The following LRRC8A variants were observed in gnomAD, a reference collection of about 807,000 sequenced individuals.
The protein encoded by LRRC8A is volume-regulated anion channel subunit LRRC8A.
Under a neutral mutation model 52.5 loss-of-function variants are expected in LRRC8A, and 24 were observed. The observed-to-expected ratio is 0.46, with a 90% CI of 0.33 to 0.64. LRRC8A has a LOEUF of 0.64. Among genes scored for constraint, LRRC8A ranks in the 30% least tolerant of loss-of-function variants. The pLI is 0.02. For synonymous variants in LRRC8A, 492 were observed against 494.2 expected, an observed-to-expected ratio of 1.00 and a Z score of 0.06; for missense variants, 677 against 1,094.7, an observed-to-expected ratio of 0.62 and a Z score of 5.38.
At chr9:128,906,316 A>ATTTTTTTTTT (rs71383620) in intron 2 of LRRC8A, among the ~76,000 whole-genome samples, 2 of 79,280 alleles carry the variant, frequency 2.5e-5, no homozygotes, top group Non-Finnish European at 4.6e-5. Flanking sequence ...CCCATGTGGA[A>ATTTTTTTTTT]TTTTTTTTTT....
At chr9:128,884,838 C>T (rs1490695135) in intron 1 of LRRC8A, among the ~76,000 whole-genome samples, 3 of 152,128 alleles carry the variant, frequency 2.0e-5, no homozygotes, top group African/African-American at 7.2e-5. Flanking sequence ...TGCCTAGTCA[C>T]CACCACCCCG....
chr9:128,889,741 A>G (rs528771997), intron 2 of LRRC8A, among the ~76,000 whole-genome samples: 191 of 151,442 alleles, frequency 1.3e-3, no homozygotes, highest in Non-Finnish European at 3.5e-4. Context: ...TGATCCACCC[A>G]CCTTGTTCTC....
At chr9:128,890,270 T>C (rs979850718) in intron 2 of LRRC8A, among the ~76,000 whole-genome samples, 2 of 152,066 alleles carry the variant, frequency 1.3e-5, no homozygotes, top group African/African-American at 4.8e-5. Flanking sequence ...CCCTGCTGTC[T>C]TCCAGATGCG....
chr9:128,895,447 C>T (rs1331698016), intron 2 of LRRC8A, among the ~76,000 whole-genome samples: 1 of 152,244 alleles, frequency 6.6e-6, no homozygotes, highest in Non-Finnish European at 1.5e-5. Context: ...GGATTTGAAC[C>T]TACATGTCCC....
intron 2 of LRRC8A, among the ~76,000 whole-genome samples, chr9:128,889,086 T>C (rs1839506561): frequency 1.3e-5 from 2 of 152,148 alleles, no homozygotes; most frequent in Admixed American, 1.3e-4. Flanking sequence ...CCCAAAGTTA[T>C]ACAGTGTACA....
At chr9:128,903,367 A>G (rs1203670797) in intron 2 of LRRC8A, among the ~76,000 whole-genome samples, 1 of 150,980 alleles carries the variant, frequency 6.6e-6, no homozygotes, top group Non-Finnish European at 1.5e-5. Flanking sequence ...TAGCCTAGAA[A>G]GATTGGGGCT....
intron 2 of LRRC8A, among the ~76,000 whole-genome samples, chr9:128,898,127 A>G (rs1264966966): frequency 6.6e-6 from 1 of 151,758 alleles, no homozygotes; most frequent in Non-Finnish European, 1.5e-5. Context: ...TAGATTTAAC[A>G]TACTTTGAAC....
chr9:128,914,815 C>G (rs1003465178), intron 3 of LRRC8A, among the ~76,000 whole-genome samples: 1 of 152,232 alleles, frequency 6.6e-6, no homozygotes, highest in Non-Finnish European at 1.5e-5. Flanking sequence ...ATGGCCCCAG[C>G]TGATTCCTCG....
chr9:128,888,839 A>C (rs190436423), intron 2 of LRRC8A, among the ~76,000 whole-genome samples: 7 of 151,472 alleles, frequency 4.6e-5, no homozygotes, highest in Admixed American at 4.6e-4. Flanking sequence ...TCTCCCATAC[A>C]CTGCTTGGGA....
intron 2 of LRRC8A, among the ~76,000 whole-genome samples, chr9:128,886,625 G>A (rs981573417): frequency 6.6e-6 from 1 of 152,204 alleles, no homozygotes; most frequent in South Asian, 2.1e-4. Flanking sequence ...TTATTTGATC[G>A]TGTAGACATC....
At chr9:128,890,874 G>A (rs573032127) in intron 2 of LRRC8A, among the ~76,000 whole-genome samples, 2 of 152,182 alleles carry the variant, frequency 1.3e-5, no homozygotes, top group Non-Finnish European at 2.9e-5. Flanking sequence ...ACGTTGGCTG[G>A]ACGTGGCGGT....
At chr9:128,884,394 C>CTCATTCAT (rs147475056) in intron 1 of LRRC8A, among the ~76,000 whole-genome samples, 2 of 152,084 alleles carry the variant, frequency 1.3e-5, no homozygotes, top group Non-Finnish European at 1.5e-5. Flanking sequence ...CATGCCTTGA[C>CTCATTCAT]TCATTCATTC....
intron 2 of LRRC8A, among the ~76,000 whole-genome samples, 157 bp from the exon 3 acceptor site, chr9:128,907,000 G>A (rs551373019): frequency 6.6e-6 from 1 of 152,330 alleles, no homozygotes; most frequent in African/African-American, 2.4e-5. Flanking sequence ...GCTGATAAGT[G>A]GGCTGCCCCG....
In LRRC8A at chr9:128,916,341, G is replaced by A; in HGVS notation, c.2403G>A (p.Arg801=). 1.2e-6 allele frequency: 2 copies of A among 1,611,744 alleles called. No homozygotes were observed. The highest frequency in any genetic ancestry group is 1.7e-6 in the Non-Finnish European group (2 of 1,179,838). The change falls in exon 4 of 4, where the codon CGG becomes CGA. Residue 801 remains arginine (R), a synonymous_variant. Transcript: ENST00000372600. This position sits in a 1 kb window ranked among gnomAD's most constrained non-coding sequence, Gnocchi z 6.1. The stretch of plus-strand genomic sequence containing the variant: ...CACTGCCACCCGAGGTGAAGGAGCG[G>A]CTGTGGAGGGCTGACAAGGAGCAGG... ...FNTLPPEVKE[R]LWRADKEQA
chr9:128,901,637 C>T (rs1276981933), intron 2 of LRRC8A, among the ~76,000 whole-genome samples: 1 of 152,144 alleles, frequency 6.6e-6, no homozygotes, highest in Non-Finnish European at 1.5e-5. Context: ...AGCAGCCCTG[C>T]GTGGTATCAT....
At chr9:128,912,501 CTATGGGGGGG>C (rs1377785616) in intron 3 of LRRC8A, among the ~76,000 whole-genome samples, 1 of 17,320 alleles carries the variant, frequency 5.8e-5, no homozygotes, top group African/African-American at 1.3e-4. Context: ...AGAGGTGGGG[CTATGGGGGGG>C]GGTGTGGATG....
chr9:128,894,944 C>G (rs1175947930), intron 2 of LRRC8A, among the ~76,000 whole-genome samples: 2 of 152,164 alleles, frequency 1.3e-5, no homozygotes, highest in Non-Finnish European at 2.9e-5. Context: ...TACCACCCAT[C>G]TCCAGAACTG....
rs985225559 is a variant in LRRC8A, at chr9:128,909,311, C to T, written c.2147C>T (p.Thr716Met). 1 of 1,612,690 alleles carries T rather than the reference C, an allele frequency of 6.2e-7. No individual in the cohort carries two copies. Among genetic ancestry groups the T allele is most frequent in the Non-Finnish European group, 8.5e-7 (1 of 1,179,794 alleles). ...LLQNLQNLAITANRIETLPPE... is the reference protein window; with the variant it reads ...LLQNLQNLAIMANRIETLPPE... ...CAGAACCTCCAGAACCTAGCCATCA[C>T]GGCCAACCGGGTGAGTGGCCCGGCC... The change falls in exon 3 of 4, where the codon ACG becomes ATG. Residue 716 changes from threonine to methionine, a missense_variant. Physicochemically the swap from Thr to Met is moderately conservative, Grantham distance 81. Coordinates refer to ENST00000372600, the MANE Select transcript of LRRC8A (RefSeq NM_019594.4).
intron 2 of LRRC8A, among the ~76,000 whole-genome samples, chr9:128,905,438 AG>A (rs1337682095): frequency 1.3e-5 from 2 of 152,212 alleles, no homozygotes; most frequent in Admixed American, 6.5e-5. Flanking sequence ...ATTCTCACAG[AG>A]ATCTTGCTGC....
Sources: allele counts gnomAD v4.1 joint callset (sites outside exome capture counted in the v4.1 genomes callset), GRCh38; gene constraint gnomAD v4.1.1; non-coding constraint Gnocchi (gnomAD v3.1); transcripts MANE v1.5; gene names NCBI Gene and HGNC (gene_info 2026-07-23, HGNC 2026-07-21).